NWD2: variants seen among roughly 807,000 people sequenced by gnomAD.
NWD2 encodes NACHT and WD repeat domain-containing protein 2.
NWD2 carries 37 observed loss-of-function variants against 132.7 expected under a neutral mutation model. The ratio of observed to expected loss-of-function variants is 0.28; its 90% CI spans 0.21 to 0.37. The LOEUF (loss-of-function observed/expected upper bound fraction) is 0.37, where lower values mean the gene tolerates loss of function less well. NWD2 is among the 10% of genes least tolerant of loss of function. The pLI is 1.00. For missense variants in NWD2, 1,592 were observed against 2,122.4 expected (o/e 0.75, Z 4.91); for synonymous variants, 705 against 803.0 (o/e 0.88, Z 2.06).
At chr4:37,431,815 A>C (rs1382156717) in intron 4 of NWD2, among the ~76,000 whole-genome samples, 3 of 152,136 alleles carry the variant, frequency 2.0e-5, no homozygotes, top group Non-Finnish European at 2.9e-5. Context: ...AGCATCTCTG[A>C]CTTTCCTTCT....
chr4:37,252,440 G>A (rs888890907), intron 1 of NWD2, among the ~76,000 whole-genome samples: 1 of 152,190 alleles, frequency 6.6e-6, no homozygotes, highest in Non-Finnish European at 1.5e-5. Flanking sequence ...GAAAAGGTGT[G>A]TGAAGGTTTC....
intron 3 of NWD2, among the ~76,000 whole-genome samples, chr4:37,369,143 A>T (rs551067697): frequency 6.6e-6 from 1 of 152,294 alleles, no homozygotes; most frequent in Non-Finnish European, 1.5e-5. Context: ...ACTTAAATAT[A>T]CACACTGAAA....
intron 3 of NWD2, among the ~76,000 whole-genome samples, chr4:37,416,497 T>C (rs996750427): frequency 6.6e-6 from 1 of 152,128 alleles, no homozygotes; most frequent in Non-Finnish European, 1.5e-5. Context: ...ACTTTTACAC[T>C]GCTGGTGGGA....
intron 1 of NWD2, among the ~76,000 whole-genome samples, chr4:37,265,112 C>T (rs148593715): frequency 1.2e-3 from 179 of 151,878 alleles, no homozygotes; most frequent in African/African-American, 4.0e-3. Context: ...CCAAAAAGCG[C>T]GGGAGGTGAA....
At chr4:37,268,931 T>C (rs764715026) in intron 1 of NWD2, among the ~76,000 whole-genome samples, 2 of 151,898 alleles carry the variant, frequency 1.3e-5, no homozygotes, top group Non-Finnish European at 2.9e-5. Flanking sequence ...AAAGGTTATT[T>C]GACACATGGA....
chr4:37,299,885 C>A (rs1718578005), intron 1 of NWD2, among the ~76,000 whole-genome samples: 1 of 151,894 alleles, frequency 6.6e-6, no homozygotes, highest in Non-Finnish European at 1.5e-5. Flanking sequence ...GCTGTTAAAC[C>A]CCCAAATTTT....
chr4:37,400,694 CA>C (rs1720881270), intron 3 of NWD2, among the ~76,000 whole-genome samples: 1 of 152,118 alleles, frequency 6.6e-6, no homozygotes, highest in Admixed American at 6.5e-5. Flanking sequence ...GCATTACAAA[CA>C]AAATGGAAAG....
Position 37,365,591 on chromosome 4 carries a change from C to T in NWD2, c.357+9109C>T, listed in dbSNP as rs1464438870. On this transcript the variant is annotated intron_variant, in intron 3 of 6. Coordinates refer to ENST00000309447, the MANE Select transcript of NWD2 (RefSeq NM_001144990.2). ...AAAATGTTTGTCCAGTTGAAATCAA[C>T]TAGTTATCATAGCTCTGAAATAGGT... is the stretch of plus-strand genomic sequence containing the variant. Among the ~76,000 whole-genome samples the T allele has an allele frequency of 3.3e-5, 5 of 152,286 alleles. No individual in the cohort carries two copies. In the East Asian group the frequency reaches 9.6e-4, roughly 29 times the overall value.
At chr4:37,412,841 T>C (rs2109319768) in intron 3 of NWD2, among the ~76,000 whole-genome samples, 1 of 152,288 alleles carries the variant, frequency 6.6e-6, no homozygotes, top group East Asian at 1.9e-4. Flanking sequence ...TCTACAACCA[T>C]CTGATCTTTG....
rs199865597 is a variant in NWD2 at position 37,343,862 on chromosome 4, GTGTT to G, written c.241-12501_241-12498del. ...AGGTAATCTTGATATTTAAATAACA[GTGTT>G]TGATTTCAACGGGTAAGATTTGTTA... On this transcript the variant is annotated intron_variant, in intron 2 of 6. Transcript: ENST00000309447. Among the ~76,000 whole-genome samples the G allele has an allele frequency of 8.1e-3, 1,238 of 152,200 alleles. 23 individuals are homozygous for G. Among genetic ancestry groups the G allele is most frequent in the African/African-American group, 0.028 (1,183 of 41,536 alleles).
At chr4:37,400,704 A>G (rs889995002) in intron 3 of NWD2, among the ~76,000 whole-genome samples, 1 of 152,204 alleles carries the variant, frequency 6.6e-6, no homozygotes, top group Non-Finnish European at 1.5e-5. Flanking sequence ...CAAAATGGAA[A>G]GTGTGTGGGT....
chr4:37,297,510 A>G (rs1274451152), intron 1 of NWD2, among the ~76,000 whole-genome samples: 1 of 152,202 alleles, frequency 6.6e-6, no homozygotes, highest in Non-Finnish European at 1.5e-5. Context: ...ATATGTTCTT[A>G]CATAAGTAAA....
chr4:37,378,645 G>C (rs1720395772), intron 3 of NWD2, among the ~76,000 whole-genome samples: 2 of 151,844 alleles, frequency 1.3e-5, no homozygotes, highest in Non-Finnish European at 2.9e-5. Flanking sequence ...TTCTTAATTT[G>C]AGTGACCTTT....
At position 37,346,370 on chromosome 4, in the gene NWD2, C is replaced by T. The variant is rs146085878; in HGVS notation, c.241-9996C>T. ...ATTCTCTATTTTATTCCATTGATTA[C>T]TATGTCTATCCTTATGCCAGCACTA... On this transcript the variant is annotated intron_variant, in intron 2 of 6. Transcript: ENST00000309447. Among the ~76,000 whole-genome samples the T allele has an allele frequency of 6.4e-3, 976 of 152,252 alleles. 11 individuals carry two copies. The highest frequency in any genetic ancestry group is 0.021 in the African/African-American group (885 of 41,552).
chr4:37,278,172 T>C (rs1718062614), intron 1 of NWD2, among the ~76,000 whole-genome samples: 1 of 152,166 alleles, frequency 6.6e-6, no homozygotes. Flanking sequence ...CTAACTTTTA[T>C]CTGTGCCCTT....
intron 3 of NWD2, among the ~76,000 whole-genome samples, chr4:37,385,821 T>C (rs143729870): frequency 5.3e-5 from 8 of 152,312 alleles, no homozygotes; most frequent in Non-Finnish European, 7.4e-5. Flanking sequence ...ATTTGGGGTA[T>C]TATTGATAAT....
At chr4:37,349,884 A>G (rs1719725807) in intron 2 of NWD2, among the ~76,000 whole-genome samples, 1 of 152,234 alleles carries the variant, frequency 6.6e-6, no homozygotes, top group Admixed American at 6.5e-5. Context: ...GAAGGGATCC[A>G]GTTTCAGTTT....
At chr4:37,264,135 T>C (rs1717702958) in intron 1 of NWD2, among the ~76,000 whole-genome samples, 1 of 152,150 alleles carries the variant, frequency 6.6e-6, no homozygotes, top group Non-Finnish European at 1.5e-5. Flanking sequence ...ATCTATCCAA[T>C]CCCAATTTGA....
At chr4:37,291,095 C>T (rs1329370102) in intron 1 of NWD2, among the ~76,000 whole-genome samples, 1 of 152,166 alleles carries the variant, frequency 6.6e-6, no homozygotes, top group Non-Finnish European at 1.5e-5. Flanking sequence ...AGTCTAAAAT[C>T]AGCCCGGGAC....
Sources: allele counts gnomAD v4.1 joint callset (sites outside exome capture counted in the v4.1 genomes callset), GRCh38; gene constraint gnomAD v4.1.1; transcripts MANE v1.5; gene names NCBI Gene and HGNC (gene_info 2026-07-23, HGNC 2026-07-21).